The following NDUFA10 variants were observed in gnomAD, a reference collection of about 807,000 sequenced individuals.
The protein encoded by NDUFA10 is NADH:ubiquinone oxidoreductase subunit A10.
Under a neutral mutation model 47.8 loss-of-function variants are expected in NDUFA10, and 40 were observed. That is an observed-to-expected ratio of 0.84 (90% CI 0.65 to 1.09). The LOEUF is 1.09. NDUFA10 is among the 50% of genes least tolerant of loss of function. The pLI is 0.00. For missense variants in NDUFA10, 413 were observed against 451.1 expected (o/e 0.92, Z 0.76); for synonymous variants, 183 against 172.2 (o/e 1.06, Z -0.49).
intron 4 of NDUFA10, among the ~76,000 whole-genome samples, chr2:239,896,035 C>T (rs1693389174): frequency 6.6e-6 from 1 of 152,230 alleles, no homozygotes; most frequent in Non-Finnish European, 1.5e-5. Flanking sequence ...AAGGCCACTG[C>T]CTTCTTTCTA....
chr2:240,005,598 C>T (rs529578138), intron 7 of NDUFA10, among the ~76,000 whole-genome samples: 18 of 152,314 alleles, frequency 1.2e-4, no homozygotes, highest in African/African-American at 4.3e-4. Flanking sequence ...CTCAAGCGAT[C>T]CTCCTGCCTC....
intron 9 of NDUFA10, among the ~76,000 whole-genome samples, chr2:239,974,950 A>T (rs1695457914): frequency 8.5e-6 from 1 of 118,022 alleles, no homozygotes; most frequent in South Asian, 2.8e-4. Context: ...TCATTTAAAA[A>T]CATGTGACAC....
At position 240,016,276 on chromosome 2, in the gene NDUFA10, CG is replaced by C. The variant is rs1292575434; in HGVS notation, c.548-1417del. On this transcript the variant is annotated intron_variant, in intron 4 of 9. Coordinates refer to ENST00000252711, the MANE Select transcript of NDUFA10 (RefSeq NM_004544.4). The surrounding 1 kb of genome is among the most constrained non-coding windows in gnomAD (Gnocchi z 4.4). ...CAAACCCGCAGCCAGGCAGAGCACA[CG>C]GGACCTCGGGTCTGCTTCCTGACTG... Among the ~76,000 whole-genome samples the C allele has an allele frequency of 1.1e-4, 16 of 152,288 alleles. No individual in the cohort carries two copies. The East Asian group carries it at 2.9e-3, about 28-fold the overall frequency.
rs983315811 is a variant in NDUFA10 at position 239,998,393 on chromosome 2, C to T, written c.890+6817G>A. Among the ~76,000 whole-genome samples, 8 of 152,204 alleles carry T rather than the reference C, an allele frequency of 5.3e-5. No homozygotes were observed. In the East Asian group the frequency reaches 5.8e-4, roughly 11 times the overall value. On this transcript the variant is annotated intron_variant, in intron 8 of 9. Coordinates refer to ENST00000252711, the MANE Select transcript of NDUFA10 (RefSeq NM_004544.4). ...GGTAAAAAACCACATCTCCTAGGTTCGGATTTGCCTCCCCTGCCTGAAGTT... is the reference window on the plus strand; with the variant it reads ...GGTAAAAAACCACATCTCCTAGGTTTGGATTTGCCTCCCCTGCCTGAAGTT...
At chr2:239,980,299 A>C (rs1695717954) in intron 9 of NDUFA10, among the ~76,000 whole-genome samples, 1 of 152,324 alleles carries the variant, frequency 6.6e-6, no homozygotes, top group Admixed American at 6.5e-5. Context: ...AGGGGGTCTG[A>C]AATGTCAGGC....
At chr2:239,977,757 A>C (rs971738172) in intron 9 of NDUFA10, among the ~76,000 whole-genome samples, 1 of 152,246 alleles carries the variant, frequency 6.6e-6, no homozygotes, top group African/African-American at 2.4e-5. Context: ...GAAGAGCACC[A>C]GTGGATTTTA....
intron 9 of NDUFA10, chr2:239,973,599 A>G (rs1463810512): frequency 2.1e-6 from 1 of 470,062 alleles, no homozygotes; most frequent in Non-Finnish European, 4.4e-6. Context: ...GGGAACGATC[A>G]GCTTCAAGGA....
At position 239,996,097 on chromosome 2, in the gene NDUFA10, T is replaced by A. The variant is rs555691569; in HGVS notation, c.891-5915A>T. On this transcript the variant is annotated intron_variant, in intron 8 of 9. Transcript: ENST00000252711. Reference sequence around the variant, plus strand: ...ACCAACAGATCCAGCAGAGGGAAAATCAGTAAAGATACCGATGACCCCAAC... The same window carrying A: ...ACCAACAGATCCAGCAGAGGGAAAAACAGTAAAGATACCGATGACCCCAAC... 5.9e-5 allele frequency among the ~76,000 whole-genome samples: 9 copies of A among 151,650 alleles called. No homozygotes were observed. The East Asian group carries it at 1.7e-3, about 29-fold the overall frequency.
At chr2:240,000,802 T>C (rs1696678743) in intron 8 of NDUFA10, among the ~76,000 whole-genome samples, 1 of 152,242 alleles carries the variant, frequency 6.6e-6, no homozygotes, top group African/African-American at 2.4e-5. Flanking sequence ...TATTCAGTAC[T>C]GTACCATGCT....
At chr2:239,910,549 A>G (rs1215942132) in intron 4 of NDUFA10, among the ~76,000 whole-genome samples, 2 of 152,076 alleles carry the variant, frequency 1.3e-5, no homozygotes, top group African/African-American at 2.4e-5. Flanking sequence ...AACAACACAC[A>G]CTGGGGCCTG....
At chr2:239,926,462 G>A (rs1694067515) in intron 4 of NDUFA10, among the ~76,000 whole-genome samples, 1 of 152,194 alleles carries the variant, frequency 6.6e-6, no homozygotes, top group Non-Finnish European at 1.5e-5. Context: ...GCTGGTGTAA[G>A]CAAACCTACT....
intron 4 of NDUFA10, among the ~76,000 whole-genome samples, chr2:239,936,203 G>A (rs766975857): frequency 6.6e-6 from 1 of 152,218 alleles, no homozygotes; most frequent in Non-Finnish European, 1.5e-5. Flanking sequence ...CAGATGCCCT[G>A]TGCATGCTGA....
chr2:240,023,537 G>A (rs146759453), intron 1 of NDUFA10, among the ~76,000 whole-genome samples: 71 of 152,212 alleles, frequency 4.7e-4, no homozygotes, highest in African/African-American at 1.6e-3. Context: ...ACATAAGATT[G>A]ACCTATAAGG....
At position 240,021,467 on chromosome 2, in the gene NDUFA10, G is replaced by A. The variant is rs1300850552; in HGVS notation, c.245-55C>T. On this transcript the variant is annotated intron_variant, in intron 2 of 9. Coordinates refer to ENST00000252711, the MANE Select transcript of NDUFA10 (RefSeq NM_004544.4). Reference sequence around the variant, plus strand: ...GATGCACATCACTCACTCCCCGCAGGGAGCAGTGGGGACTAGCCAAAACAC... The same window carrying A: ...GATGCACATCACTCACTCCCCGCAGAGAGCAGTGGGGACTAGCCAAAACAC... 2.1e-5 allele frequency: 32 copies of A among 1,501,112 alleles called. 1 individual carries two copies. The East Asian group carries it at 6.6e-4, about 31-fold the overall frequency. The allele number at this position is 1,501,112 out of a possible 1,614,324, so 93.0% of individuals were successfully genotyped here.
chr2:239,918,500 C>T (rs1225646181), intron 4 of NDUFA10, among the ~76,000 whole-genome samples: 1 of 152,206 alleles, frequency 6.6e-6, no homozygotes, highest in East Asian at 1.9e-4. Flanking sequence ...CAAGGACAGA[C>T]CCTGACACAG....
At chr2:239,893,120 C>T (rs1693324377) in intron 5 of NDUFA10, among the ~76,000 whole-genome samples, 1 of 152,192 alleles carries the variant, frequency 6.6e-6, no homozygotes, top group African/African-American at 2.4e-5. Flanking sequence ...CTCTCTGCCC[C>T]TCTGATCCCC....
At chr2:239,975,982 C>T (rs1695501164) in intron 9 of NDUFA10, among the ~76,000 whole-genome samples, 1 of 152,194 alleles carries the variant, frequency 6.6e-6, no homozygotes, top group East Asian at 1.9e-4. Flanking sequence ...ACCTTGAGCT[C>T]TGGGTCTCTG....
At chr2:239,933,883 C>A (rs1412149648) in intron 4 of NDUFA10, among the ~76,000 whole-genome samples, 3 of 142,000 alleles carry the variant, frequency 2.1e-5, no homozygotes, top group Non-Finnish European at 3.1e-5. Flanking sequence ...TTAGAGAGGG[C>A]GTCTCACTCT....
chr2:239,923,667 G>T (rs970495969), intron 4 of NDUFA10, among the ~76,000 whole-genome samples: 10 of 151,874 alleles, frequency 6.6e-5, no homozygotes, highest in African/African-American at 2.4e-4. Context: ...TAATTTAAGT[G>T]CCAAGATAAT....
Sources: allele counts gnomAD v4.1 joint callset (sites outside exome capture counted in the v4.1 genomes callset), GRCh38; gene constraint gnomAD v4.1.1; non-coding constraint Gnocchi (gnomAD v3.1); transcripts MANE v1.5; gene names NCBI Gene and HGNC (gene_info 2026-07-23, HGNC 2026-07-21).